Variants in FOCAD observed in about 807,000 individuals in gnomAD.
FOCAD encodes the protein focadhesin.
A neutral mutation model predicts 225.6 loss-of-function variants in FOCAD; 198 were observed. The observed-to-expected ratio is 0.88, with a 90% CI of 0.78 to 0.99. The LOEUF is 0.99. FOCAD is among the 50% of genes least tolerant of loss of function. FOCAD has a pLI of 0.00. For synonymous variants in FOCAD, 897 were observed against 755.0 expected, an observed-to-expected ratio of 1.19 and a Z score of -3.08; for missense variants, 2,713 against 2,123.6, an observed-to-expected ratio of 1.28 and a Z score of -5.46.
chr9:20,836,882 AATTG>A (rs2131539654), intron 15 of FOCAD, among the ~76,000 whole-genome samples: 1 of 152,172 alleles, frequency 6.6e-6, no homozygotes, highest in East Asian at 1.9e-4. Context: ...ACTGCTCTTT[AATTG>A]ATTGTTTTAT....
chr9:20,732,330 C>A (rs1826783019), intron 4 of FOCAD, among the ~76,000 whole-genome samples: 1 of 152,096 alleles, frequency 6.6e-6, no homozygotes. Context: ...GAAGTGACAC[C>A]TAAGATGAGA....
chr9:20,783,522 A>T (rs1462583232), intron 10 of FOCAD, among the ~76,000 whole-genome samples: 1 of 151,628 alleles, frequency 6.6e-6, no homozygotes, highest in Non-Finnish European at 1.5e-5. Context: ...TGAACTATTC[A>T]TCCTTCAAGA....
chr9:20,685,197 T>A (rs1011005588), intron 1 of FOCAD, among the ~76,000 whole-genome samples: 5 of 91,648 alleles, frequency 5.5e-5, no homozygotes, highest in South Asian at 2.8e-4. Flanking sequence ...GAGTTGGAAA[T>A]TTTTTTTTTT....
At chr9:20,797,199 A>G (rs1359845391) in intron 11 of FOCAD, among the ~76,000 whole-genome samples, 1 of 152,184 alleles carries the variant, frequency 6.6e-6, no homozygotes, top group Non-Finnish European at 1.5e-5. Flanking sequence ...TACCAGTACC[A>G]TGCTGTTTGG....
chr9:20,963,755 C>T (rs907184741), intron 35 of FOCAD, among the ~76,000 whole-genome samples: 1 of 152,222 alleles, frequency 6.6e-6, no homozygotes, highest in African/African-American at 2.4e-5. Context: ...AGACTGCAAT[C>T]TGCAGCCAAT....
intron 35 of FOCAD, among the ~76,000 whole-genome samples, chr9:20,965,459 A>G (rs1024485670): frequency 1.3e-5 from 2 of 152,132 alleles, no homozygotes; most frequent in South Asian, 2.1e-4. Context: ...GCTGCATGGT[A>G]TCAGTTTCTC....
At chr9:20,801,473 C>A (rs11789050) in intron 11 of FOCAD, among the ~76,000 whole-genome samples, 9 of 151,888 alleles carry the variant, frequency 5.9e-5, no homozygotes, top group African/African-American at 1.9e-4. Flanking sequence ...TGAGCCACTG[C>A]GCCCACCCTG....
intron 39 of FOCAD, among the ~76,000 whole-genome samples, chr9:20,982,966 A>G (rs1840833171): frequency 6.6e-6 from 1 of 152,216 alleles, no homozygotes; most frequent in Non-Finnish European, 1.5e-5. Flanking sequence ...TTGCATACCA[A>G]CTAATACCAA....
intron 5 of FOCAD, 88 bp downstream of exon 5, chr9:20,740,428 T>A: frequency 1.3e-6 from 1 of 779,746 alleles, no homozygotes; most frequent in Non-Finnish European, 2.1e-6. Flanking sequence ...TAAGAATTAG[T>A]TATTTAATTC....
intron 39 of FOCAD, among the ~76,000 whole-genome samples, chr9:20,984,932 C>A (rs1235610164): frequency 6.6e-6 from 1 of 152,208 alleles, no homozygotes; most frequent in Non-Finnish European, 1.5e-5. Context: ...TCCAGAGTAG[C>A]TGGGATTACA....
intron 28 of FOCAD, among the ~76,000 whole-genome samples, chr9:20,937,205 C>T (rs1474513559): frequency 4.0e-5 from 6 of 150,898 alleles, no homozygotes; most frequent in African/African-American, 1.5e-4. Context: ...CAATGACTTT[C>T]TTCACAGAAT....
chr9:20,762,469 C>T (rs534343902), intron 6 of FOCAD, among the ~76,000 whole-genome samples: 1 of 152,164 alleles, frequency 6.6e-6, no homozygotes, highest in Non-Finnish European at 1.5e-5. Context: ...GTTTTGTTTC[C>T]ATCATGTAGA....
intron 28 of FOCAD, among the ~76,000 whole-genome samples, chr9:20,942,474 AG>A (rs1173556986): frequency 1.6e-4 from 24 of 152,338 alleles, no homozygotes; most frequent in Admixed American, 1.4e-3. Flanking sequence ...TTCTGAAATT[AG>A]TCTGGCAAGA....
chr9:20,931,017 G>A (rs112424355), intron 27 of FOCAD, among the ~76,000 whole-genome samples: 187 of 152,264 alleles, frequency 1.2e-3, no homozygotes, highest in African/African-American at 3.9e-3. Flanking sequence ...AAAATGAGCC[G>A]TAGCAGTTTA....
intron 35 of FOCAD, among the ~76,000 whole-genome samples, chr9:20,974,521 CTA>C (rs1840060517): frequency 7.9e-6 from 1 of 126,576 alleles, no homozygotes; most frequent in African/African-American, 3.1e-5. Context: ...CTCCTTTTTC[CTA>C]TGTTTGTCCT....
chr9:20,868,939 C>T (rs894613742), intron 18 of FOCAD, among the ~76,000 whole-genome samples: 3 of 152,102 alleles, frequency 2.0e-5, no homozygotes, highest in African/African-American at 7.2e-5. Context: ...TTGATTGCTA[C>T]ATTTCAGTTT....
At chr9:20,931,002 A>C (rs923819535) in intron 27 of FOCAD, among the ~76,000 whole-genome samples, 1 of 152,180 alleles carries the variant, frequency 6.6e-6, no homozygotes, top group Non-Finnish European at 1.5e-5. Context: ...CATGTTTTGC[A>C]ACTAAAAATG....
intron 15 of FOCAD, among the ~76,000 whole-genome samples, chr9:20,856,345 A>G (rs1042617535): frequency 1.3e-5 from 2 of 151,822 alleles, no homozygotes; most frequent in African/African-American, 2.4e-5. Flanking sequence ...TTCTCTGATG[A>G]CGTTGAGCAT....
At chr9:20,955,917 A>G (rs1010136465) in intron 35 of FOCAD, among the ~76,000 whole-genome samples, 3 of 141,964 alleles carry the variant, frequency 2.1e-5, no homozygotes, top group East Asian at 2.2e-4. Context: ...AGATATTTCT[A>G]TGTAATAGCA....
Sources: allele counts gnomAD v4.1 joint callset (sites outside exome capture counted in the v4.1 genomes callset), GRCh38; gene constraint gnomAD v4.1.1; transcripts MANE v1.5; gene names NCBI Gene and HGNC (gene_info 2026-07-23, HGNC 2026-07-21).